ARFGEF1: variants seen among roughly 807,000 people sequenced by gnomAD.
ARFGEF1 encodes the protein brefeldin A-inhibited guanine nucleotide-exchange protein 1.
In ARFGEF1, 42 loss-of-function variants were observed where a neutral mutation model predicts 231.0. That is an observed-to-expected ratio of 0.18 (90% CI 0.14 to 0.24). The LOEUF (loss-of-function observed/expected upper bound fraction) is 0.24, where lower values mean the gene tolerates loss of function less well. Among genes scored for constraint, ARFGEF1 ranks in the 10% least tolerant of loss-of-function variants. The pLI is 1.00. For synonymous variants in ARFGEF1, 710 were observed against 732.3 expected (o/e 0.97, Z 0.49); for missense variants, 1,345 against 2,192.0 (o/e 0.61, Z 7.72).
At position 67,198,446 on chromosome 8, in the gene ARFGEF1, G is replaced by C. The variant is rs1161181647; in HGVS notation, c.*488C>G. 1.0e-6 allele frequency: 1 copy of C among 986,738 alleles called. No homozygotes were observed. The highest frequency in any genetic ancestry group is 1.2e-6 in the Non-Finnish European group (1 of 830,698). 61.1% of individuals were successfully genotyped at this position (986,738 alleles called of 1,614,324 possible). On this transcript the variant is annotated 3_prime_UTR_variant, in exon 39 of 39. Transcript: ENST00000262215. ...ATTACCAGTATCTCAGATAGCCTGAGTGTGCAAAAATCTTCAGAATAAGAA... is the reference window on the plus strand; with the variant it reads ...ATTACCAGTATCTCAGATAGCCTGACTGTGCAAAAATCTTCAGAATAAGAA...
At chr8:67,315,596 A>G (rs1398797079) in intron 1 of ARFGEF1, among the ~76,000 whole-genome samples, 1 of 152,194 alleles carries the variant, frequency 6.6e-6, no homozygotes, top group African/African-American at 2.4e-5. Context: ...AAAGTAAGGA[A>G]TAAAAGAATG....
intron 19 of ARFGEF1, among the ~76,000 whole-genome samples, chr8:67,242,751 G>A (rs543071022): frequency 6.6e-6 from 1 of 152,222 alleles, no homozygotes; most frequent in Admixed American, 6.5e-5. Flanking sequence ...CTCTGGGATG[G>A]CATTTCTGTA....
chr8:67,190,300 T>C (rs1307512270), intron 5 of ARFGEF1, among the ~76,000 whole-genome samples: 1 of 152,210 alleles, frequency 6.6e-6, no homozygotes, highest in African/African-American at 2.4e-5. Context: ...AACACCTTAT[T>C]GCTAAGTGAA....
chr8:67,195,352 C>T (rs1448592076), downstream of ARFGEF1: 1 of 1,513,124 alleles, frequency 6.6e-7, no homozygotes, highest in African/African-American at 1.4e-5. Flanking sequence ...ACCTGTGTTA[C>T]CTGAGCCACG....
intron 5 of ARFGEF1, among the ~76,000 whole-genome samples, chr8:67,294,686 G>C (rs1806154272): frequency 6.6e-6 from 1 of 152,164 alleles, no homozygotes; most frequent in Admixed American, 6.6e-5. Context: ...AGAAATATCA[G>C]TATGAACACA....
At chr8:67,263,117 CAT>C (rs1166886283) in intron 14 of ARFGEF1, among the ~76,000 whole-genome samples, 1 of 152,196 alleles carries the variant, frequency 6.6e-6, no homozygotes, top group Non-Finnish European at 1.5e-5. Context: ...TCCCATATAT[CAT>C]ATCCCATTCC....
At position 67,198,194 on chromosome 8, in the gene ARFGEF1, T is replaced by C. The variant is rs528408123; in HGVS notation, c.*740A>G. On this transcript the variant is annotated 3_prime_UTR_variant, in exon 39 of 39. Transcript: ENST00000262215. ...TTGAAGTGTCGGCCACAACAGCTTCTGGGCATGTTACAGCCTCAAAATCAC... is the reference window on the plus strand; with the variant it reads ...TTGAAGTGTCGGCCACAACAGCTTCCGGGCATGTTACAGCCTCAAAATCAC... 3 of 985,738 alleles carry C rather than the reference T, an allele frequency of 3.0e-6. No individual in the cohort carries two copies. The highest frequency in any genetic ancestry group is 9.4e-5 in the South Asian group (2 of 21,278). 61.1% of individuals were successfully genotyped at this position (985,738 alleles called of 1,614,324 possible).
At chr8:67,315,764 A>T (rs1262584079) in intron 1 of ARFGEF1, among the ~76,000 whole-genome samples, 2 of 152,266 alleles carry the variant, frequency 1.3e-5, no homozygotes, top group East Asian at 1.9e-4. Flanking sequence ...GGAAATTTTT[A>T]AAAAATACAT....
At chr8:67,193,727 G>A (rs1837071554), downstream of ARFGEF1, 6 of 721,902 alleles carry the variant, frequency 8.3e-6, no homozygotes, top group South Asian at 8.9e-5. Context: ...GAGTTGTATG[G>A]CCCAAGACAT....
intron 28 of ARFGEF1, 30 bp from the exon 29 acceptor site, chr8:67,225,063 G>A (rs780786082): frequency 4.5e-6 from 7 of 1,569,412 alleles, no homozygotes; most frequent in Non-Finnish European, 5.2e-6. Context: ...GTTATTAAAG[G>A]CAAAACATAA....
chr8:67,220,859 A>C (rs576944525), intron 29 of ARFGEF1, among the ~76,000 whole-genome samples: 1 of 151,778 alleles, frequency 6.6e-6, no homozygotes, highest in East Asian at 1.9e-4. Flanking sequence ...AATCGTTTCC[A>C]AGGATTTTTA....
intron 14 of ARFGEF1, among the ~76,000 whole-genome samples, chr8:67,263,494 C>T (rs1804722129): frequency 6.6e-6 from 1 of 152,170 alleles, no homozygotes; most frequent in African/African-American, 2.4e-5. Flanking sequence ...ATAAGGCCTT[C>T]TGTAATTTAG....
Position 67,198,276 on chromosome 8 carries a change from C to T in ARFGEF1, c.*658G>A. On this transcript the variant is annotated 3_prime_UTR_variant, in exon 39 of 39. Coordinates refer to ENST00000262215, the MANE Select transcript of ARFGEF1 (RefSeq NM_006421.5). ...CTATAAAATAAAAAAGAAAGTTCCA[C>T]CCAAATGTTTAGTGCATTTGACAAA... 1.0e-6 allele frequency: 1 copy of T among 985,638 alleles called. No homozygotes were observed. The highest frequency in any genetic ancestry group is 1.2e-6 in the Non-Finnish European group (1 of 829,800). 61.1% of individuals were successfully genotyped at this position (985,638 alleles called of 1,614,324 possible). A position where few individuals can be genotyped will look rare whatever the true frequency, so the allele number is the denominator to read the frequency against.
intron 26 of ARFGEF1, 34 bp from the exon 27 acceptor site, chr8:67,227,343 A>T: frequency 6.3e-7 from 1 of 1,599,754 alleles, no homozygotes; most frequent in Non-Finnish European, 8.5e-7. Flanking sequence ...TGGATATGCA[A>T]ACCGATAAAA....
chr8:67,321,500 G>A (rs575277768), intron 1 of ARFGEF1, among the ~76,000 whole-genome samples: 9 of 151,942 alleles, frequency 5.9e-5, no homozygotes, highest in Non-Finnish European at 7.4e-5. Flanking sequence ...TCGCTCTGTC[G>A]CCCAGGCTGG....
chr8:67,220,697 T>C (rs1223174216), intron 29 of ARFGEF1, among the ~76,000 whole-genome samples: 1 of 152,154 alleles, frequency 6.6e-6, no homozygotes, highest in Non-Finnish European at 1.5e-5. Context: ...GTTCCCTCCT[T>C]GCAATGGAAC....
At chr8:67,306,937 C>T (rs1481932657) in intron 1 of ARFGEF1, among the ~76,000 whole-genome samples, 8 of 152,286 alleles carry the variant, frequency 5.3e-5, no homozygotes, top group African/African-American at 1.4e-4. Context: ...CGCCACCAAG[C>T]ACAGCTAATT....
chr8:67,234,264 A>C (rs531028617), intron 22 of ARFGEF1, among the ~76,000 whole-genome samples: 1 of 152,302 alleles, frequency 6.6e-6, no homozygotes, highest in South Asian at 2.1e-4. Context: ...TTACACCAGG[A>C]GAGACAGATA....
At chr8:67,175,290 T>C (rs1831341092), downstream of ARFGEF1, 11 of 1,601,050 alleles carry the variant, frequency 6.9e-6, no homozygotes, top group Middle Eastern at 1.7e-4. Context: ...ATATTTTTTA[T>C]ACCAGATTCA....
Sources: gnomAD v4.1 joint callset for allele counts (sites outside exome capture counted in the v4.1 genomes callset) on GRCh38, gnomAD v4.1.1 for gene constraint, MANE v1.5 for transcripts, NCBI Gene and HGNC (gene_info 2026-07-23, HGNC 2026-07-21) for gene names.